The following PCDH15 variants were observed in gnomAD, a reference collection of about 807,000 sequenced individuals.
The protein encoded by PCDH15 is protocadherin-15.
PCDH15 carries 129 observed loss-of-function variants against 178.5 expected under a neutral mutation model. The ratio of observed to expected loss-of-function variants is 0.72; its 90% CI spans 0.63 to 0.84. The LOEUF (loss-of-function observed/expected upper bound fraction) is 0.84. PCDH15 is among the 40% of genes least tolerant of loss of function. PCDH15 has a pLI of 0.00. For synonymous variants in PCDH15, 800 were observed against 732.0 expected, an observed-to-expected ratio of 1.09 and a Z score of -1.50; for missense variants, 2,230 against 2,099.9, an observed-to-expected ratio of 1.06 and a Z score of -1.21.
intron 15 of PCDH15, among the ~76,000 whole-genome samples, chr10:54,098,166 C>T (rs2094735452): frequency 6.7e-6 from 1 of 150,162 alleles, no homozygotes; most frequent in South Asian, 2.1e-4. Context: ...TTAATTGCTT[C>T]CAAACTTGAC....
At chr10:54,921,341 AC>A (rs1206537240) in intron 2 of PCDH15, among the ~76,000 whole-genome samples, 1 of 151,624 alleles carries the variant, frequency 6.6e-6, no homozygotes, top group Non-Finnish European at 1.5e-5. Context: ...TTACTTTTTA[AC>A]TTTTAAGTTC....
chr10:54,384,096 C>T (rs1321319846), intron 3 of PCDH15, among the ~76,000 whole-genome samples: 5 of 150,600 alleles, frequency 3.3e-5, no homozygotes, highest in Admixed American at 6.7e-5. Flanking sequence ...GGCCTCCCAA[C>T]GTGCTGGGAT....
chr10:53,822,921 C>T (rs1454383542), intron 32 of PCDH15: 1 of 1,613,970 alleles, frequency 6.2e-7, no homozygotes, highest in Non-Finnish European at 8.5e-7. Context: ...CTGCCTGGTG[C>T]CTTGCCACTG....
intron 2 of PCDH15, among the ~76,000 whole-genome samples, chr10:54,587,551 AC>A (rs1481974173): frequency 6.6e-6 from 1 of 151,906 alleles, no homozygotes; most frequent in African/African-American, 2.4e-5. Flanking sequence ...AAAAAGACTT[AC>A]ATTAAAGGAA....
chr10:53,875,487 T>C (rs1042704453), intron 26 of PCDH15, among the ~76,000 whole-genome samples: 1 of 152,014 alleles, frequency 6.6e-6, no homozygotes, highest in African/African-American at 2.4e-5. Context: ...TGATATTACT[T>C]TTTCCACCAA....
intron 5 of PCDH15, among the ~76,000 whole-genome samples, chr10:54,356,198 A>T (rs1158229492): frequency 6.6e-6 from 1 of 152,108 alleles, no homozygotes; most frequent in Admixed American, 6.6e-5. Flanking sequence ...TTTGTGTTAC[A>T]TGCTATGATA....
intron 3 of PCDH15, among the ~76,000 whole-genome samples, chr10:54,856,983 C>T (rs951149412): frequency 2.6e-5 from 4 of 151,936 alleles, no homozygotes; most frequent in African/African-American, 9.7e-5. Context: ...TGAATATTTC[C>T]TTCTTATCCT....
At chr10:54,322,466 A>C (rs2133773700) in intron 7 of PCDH15, among the ~76,000 whole-genome samples, 1 of 152,116 alleles carries the variant, frequency 6.6e-6, no homozygotes, top group South Asian at 2.1e-4. Context: ...TTAAAAAGTT[A>C]AACAAGTTCA....
intron 2 of PCDH15, among the ~76,000 whole-genome samples, chr10:55,076,874 T>G (rs11516552): frequency 0.067 from 10,081 of 150,566 alleles, 449 homozygotes; most frequent in African/African-American, 0.11. Context: ...GTTCAAGCGA[T>G]TCTCCTGCCT....
At chr10:54,623,246 A>G (rs1030474674) in intron 2 of PCDH15, among the ~76,000 whole-genome samples, 1 of 152,088 alleles carries the variant, frequency 6.6e-6, no homozygotes, top group Non-Finnish European at 1.5e-5. Context: ...TAGGCTGTCT[A>G]TTGGTCTTCT....
chr10:55,325,292 G>A (rs1398904503), intron 2 of PCDH15, among the ~76,000 whole-genome samples: 2 of 152,054 alleles, frequency 1.3e-5, no homozygotes, highest in Non-Finnish European at 2.9e-5. Flanking sequence ...AACAAAGCCT[G>A]AGACATGATG....
chr10:54,066,307 G>C (rs1026780230), intron 18 of PCDH15, among the ~76,000 whole-genome samples: 1 of 152,112 alleles, frequency 6.6e-6, no homozygotes, highest in African/African-American at 2.4e-5. Context: ...AGTTTACTAC[G>C]AGTAAATCTT....
chr10:54,851,671 T>C (rs1953623189), intron 3 of PCDH15, among the ~76,000 whole-genome samples: 1 of 152,172 alleles, frequency 6.6e-6, no homozygotes, highest in African/African-American at 2.4e-5. Context: ...CTCGGCTCAC[T>C]GCAACCTCTG....
chr10:54,985,533 T>C lies in PCDH15; in HGVS notation c.-79-88033A>G, dbSNP rs999687917. 7.9e-5 allele frequency among the ~76,000 whole-genome samples: 12 copies of C among 152,136 alleles called. No individual in the cohort carries two copies. The East Asian group carries it at 2.1e-3, about 27-fold the overall frequency. On this transcript the variant is annotated intron_variant, in intron 2 of 5. Transcript: ENST00000458638. ...CTAGCCTTGTTATATGTGCTCAAAA[T>C]ACTTACATTAGCCTACAGTTGGGCA... is the stretch of plus-strand genomic sequence containing the variant.
At chr10:54,723,456 C>A (rs1941979021) in intron 1 of PCDH15, among the ~76,000 whole-genome samples, 1 of 151,668 alleles carries the variant, frequency 6.6e-6, no homozygotes. Flanking sequence ...ACAAGAAAAC[C>A]TAGAAAAATC....
At chr10:54,939,050 A>G (rs1837985335) in intron 2 of PCDH15, among the ~76,000 whole-genome samples, 1 of 152,312 alleles carries the variant, frequency 6.6e-6, no homozygotes, top group East Asian at 1.9e-4. Flanking sequence ...AATGTAAAAC[A>G]ATACATTTAT....
At chr10:54,786,667 A>G (rs1377943828) in intron 1 of PCDH15, among the ~76,000 whole-genome samples, 3 of 151,948 alleles carry the variant, frequency 2.0e-5, no homozygotes, top group Non-Finnish European at 4.4e-5. Context: ...AATGAAGGGT[A>G]TGCTTTGTGG....
At chr10:54,562,457 A>C (rs11004385) in intron 2 of PCDH15, among the ~76,000 whole-genome samples, 58,931 of 151,950 alleles carry the variant, frequency 0.39, 11,936 homozygotes, top group East Asian at 0.49. Flanking sequence ...ATGAAGCCAA[A>C]GATAAGTTAA....
intron 3 of PCDH15, among the ~76,000 whole-genome samples, chr10:54,471,501 G>A (rs932633777): frequency 3.3e-5 from 5 of 151,956 alleles, no homozygotes; most frequent in African/African-American, 1.2e-4. Context: ...ATTAGTTTCT[G>A]TTTTATGTGA....
Sources: gnomAD v4.1 joint callset for allele counts (sites outside exome capture counted in the v4.1 genomes callset) on GRCh38, gnomAD v4.1.1 for gene constraint, MANE v1.5 for transcripts, NCBI Gene and HGNC (gene_info 2026-07-23, HGNC 2026-07-21) for gene names.